The following FAM13A variants were observed in gnomAD, a reference collection of about 807,000 sequenced individuals.
The protein encoded by FAM13A is family with sequence similarity 13 member A, also known as protein FAM13A.
Under a neutral mutation model 129.6 loss-of-function variants are expected in FAM13A, and 76 were observed. That is an observed-to-expected ratio of 0.59 (90% CI 0.49 to 0.71). FAM13A has a LOEUF of 0.71. FAM13A is among the 30% of genes least tolerant of loss of function. FAM13A has a pLI of 0.00. For synonymous variants in FAM13A, 443 were observed against 449.9 expected (o/e 0.98, Z 0.20); for missense variants, 1,108 against 1,249.3 (o/e 0.89, Z 1.70).
intron 1 of FAM13A, among the ~76,000 whole-genome samples, chr4:89,050,620 G>T (rs1771464885): frequency 6.6e-6 from 1 of 151,862 alleles, no homozygotes; most frequent in Non-Finnish European, 1.5e-5. Context: ...GGATGAATCT[G>T]ATACCAAACA....
intron 4 of FAM13A, chr4:88,990,689 A>AT (rs35165763): frequency 0.67 from 188,263 of 280,922 alleles, 63,826 homozygotes; most frequent in Middle Eastern, 0.79. Flanking sequence ...CTGATTACAG[A>AT]TTTTTTAAAT....
intron 2 of FAM13A, among the ~76,000 whole-genome samples, chr4:89,027,332 AC>A: frequency 6.6e-6 from 1 of 152,228 alleles, no homozygotes; most frequent in East Asian, 1.9e-4. Flanking sequence ...ACATGGCGAG[AC>A]CTGCCTCTAA....
chr4:88,863,901 T>C (rs191777025), intron 6 of FAM13A, among the ~76,000 whole-genome samples: 1 of 152,146 alleles, frequency 6.6e-6, no homozygotes, highest in African/African-American at 2.4e-5. Flanking sequence ...GGATTTCACA[T>C]GAAGCAGAAA....
chr4:88,851,896 G>A (rs184863056), intron 6 of FAM13A, among the ~76,000 whole-genome samples: 5 of 152,230 alleles, frequency 3.3e-5, no homozygotes, highest in Admixed American at 2.0e-4. Flanking sequence ...AGATCAGAAT[G>A]AATATGAATA....
intron 3 of FAM13A, among the ~76,000 whole-genome samples, chr4:88,998,451 T>C (rs1266968593): frequency 6.6e-6 from 1 of 152,184 alleles, no homozygotes; most frequent in Non-Finnish European, 1.5e-5. Context: ...GTTATCATTA[T>C]TACAGAGCAG....
chr4:88,885,898 T>A (rs2150142119), intron 6 of FAM13A, among the ~76,000 whole-genome samples: 1 of 148,630 alleles, frequency 6.7e-6, no homozygotes, highest in South Asian at 2.1e-4. Context: ...AAATGGCCAA[T>A]AAACATATGA....
chr4:88,909,354 TTG>T (rs1394280801), intron 5 of FAM13A, among the ~76,000 whole-genome samples: 4 of 152,180 alleles, frequency 2.6e-5, no homozygotes. Flanking sequence ...AGGATATATA[TTG>T]TGTGATTCCA....
At chr4:88,871,349 A>G (rs1052902500) in intron 6 of FAM13A, among the ~76,000 whole-genome samples, 5 of 152,222 alleles carry the variant, frequency 3.3e-5, no homozygotes, top group Non-Finnish European at 7.3e-5. Flanking sequence ...AACTTCTTCG[A>G]GCTAAAGGAG....
chr4:88,986,993 A>G (rs1178475531), intron 4 of FAM13A, among the ~76,000 whole-genome samples: 2 of 152,212 alleles, frequency 1.3e-5, no homozygotes. Flanking sequence ...ATTCTTCTAT[A>G]GAAGAAACCA....
intron 6 of FAM13A, among the ~76,000 whole-genome samples, chr4:88,892,488 A>G (rs917809075): frequency 1.1e-4 from 17 of 152,024 alleles, no homozygotes; most frequent in African/African-American, 4.1e-4. Context: ...CCTGTCTTCT[A>G]AAAGAAAGAA....
intron 14 of FAM13A, among the ~76,000 whole-genome samples, chr4:88,753,372 T>C (rs1475527224): frequency 1.3e-5 from 2 of 152,238 alleles, no homozygotes; most frequent in Non-Finnish European, 2.9e-5. Context: ...TCTTGATCAG[T>C]TGCTTTACTG....
Position 88,851,028 on chromosome 4 carries a change from C to G in FAM13A, c.999G>C (p.Leu333Phe). ...NSAEGAISAK[L>F]VPSSQEDERP... Reference sequence around the variant, plus strand: ...AAAGAAAACATGCCAACCTGGGTACCAACTTGGCACTAATAGCACCCTCTG... The same window carrying G: ...AAAGAAAACATGCCAACCTGGGTACGAACTTGGCACTAATAGCACCCTCTG... Residue 333 changes from leucine (L) to phenylalanine (F), a missense_variant, in exon 7 of 24, where the codon TTG becomes TTC. Physicochemically the swap from Leu to Phe is conservative, Grantham distance 22. Around this residue, in one of 3 missense-constraint regions of FAM13A, gnomAD observed 566 missense variants for 595.7 expected, o/e 0.95. Transcript: ENST00000264344. The G allele has an allele frequency of 6.2e-7, 1 of 1,613,316 alleles. No homozygotes were observed. The highest frequency in any genetic ancestry group is 1.7e-4 in the Middle Eastern group (1 of 6,054).
intron 9 of FAM13A, among the ~76,000 whole-genome samples, chr4:88,788,748 C>T (rs1366276627): frequency 1.3e-5 from 2 of 152,068 alleles, no homozygotes; most frequent in Admixed American, 6.6e-5. Context: ...AACTCAGAGT[C>T]CTCAAACCTT....
At chr4:88,884,296 C>A (rs1454552765) in intron 6 of FAM13A, among the ~76,000 whole-genome samples, 2 of 152,032 alleles carry the variant, frequency 1.3e-5, no homozygotes, top group African/African-American at 4.8e-5. Context: ...AAAAAGATAA[C>A]CCACTATGAT....
chr4:88,758,927 A>G (rs1025956823), intron 13 of FAM13A, 26 bp from the exon 14 acceptor site: 1 of 1,607,826 alleles, frequency 6.2e-7, no homozygotes, highest in Non-Finnish European at 8.5e-7. Context: ...AATGTCCCCA[A>G]ATATCTACTG....
intron 4 of FAM13A, among the ~76,000 whole-genome samples, chr4:88,945,848 G>GTGTA (rs1755641330): frequency 1.6e-5 from 2 of 122,928 alleles, no homozygotes; most frequent in African/African-American, 7.1e-5. Flanking sequence ...GTGTGTGTGT[G>GTGTA]TATATATATA....
At chr4:88,930,581 G>A (rs1190471293) in intron 5 of FAM13A, among the ~76,000 whole-genome samples, 1 of 152,066 alleles carries the variant, frequency 6.6e-6, no homozygotes, top group Non-Finnish European at 1.5e-5. Flanking sequence ...TGGCAGCAAT[G>A]GATTAAGTGT....
chr4:88,743,094 A>C (rs1418076934), intron 19 of FAM13A, among the ~76,000 whole-genome samples: 1 of 152,070 alleles, frequency 6.6e-6, no homozygotes, highest in Admixed American at 6.6e-5. Flanking sequence ...GTGAAGATCT[A>C]AGGGGAGAAA....
intron 3 of FAM13A, among the ~76,000 whole-genome samples, chr4:89,018,594 C>T (rs1460535660): frequency 6.6e-6 from 1 of 152,218 alleles, no homozygotes; most frequent in Non-Finnish European, 1.5e-5. Context: ...TAAGGTGAGA[C>T]CAAACCCAGG....
Sources: allele counts gnomAD v4.1 joint callset (sites outside exome capture counted in the v4.1 genomes callset), GRCh38; gene constraint gnomAD v4.1.1; regional missense constraint gnomAD v4.1.1; transcripts MANE v1.5; gene names NCBI Gene and HGNC (gene_info 2026-07-23, HGNC 2026-07-21).